Variants in FANCB observed in about 807,000 individuals in gnomAD.
FANCB encodes the protein FA complementation group B.
Under a neutral mutation model 38.9 loss-of-function variants are expected in FANCB, and 5 were observed. The observed-to-expected ratio is 0.13, with a 90% CI of 0.07 to 0.27. The LOEUF (loss-of-function observed/expected upper bound fraction) is 0.27. Among genes scored for constraint, FANCB ranks in the 10% least tolerant of loss-of-function variants. FANCB has a pLI of 1.00. For missense variants in FANCB, 573 were observed against 602.7 expected (o/e 0.95, Z 0.52); for synonymous variants, 236 against 215.4 (o/e 1.10, Z -0.84).
chrX:14,800,175 T>C, the FANCB span, among the ~76,000 whole-genome samples: 2 of 111,680 alleles, frequency 1.8e-5, no homozygotes, highest in Non-Finnish European at 3.8e-5. Context: ...CCACGGATAT[T>C]GATAGAGGTA....
chrX:14,852,623 T>A (rs375053783), intron 6 of FANCB, among the ~76,000 whole-genome samples: 2 of 111,817 alleles, frequency 1.8e-5, no homozygotes, highest in African/African-American at 6.5e-5. Flanking sequence ...AAAAGAACAA[T>A]CATTATCCTA....
chrX:14,730,454 T>C, the FANCB span: 1 of 1,204,625 alleles, frequency 8.3e-7, no homozygotes, highest in Non-Finnish European at 1.1e-6. Context: ...ACATACAAGA[T>C]CATTCGGCAT....
chrX:14,850,439 T>A (rs1268798696), intron 7 of FANCB, 66 bp downstream of exon 7: 8 of 884,380 alleles, frequency 9.0e-6, no homozygotes, highest in Non-Finnish European at 1.3e-5. Context: ...TGGCTTACAT[T>A]AATTTCTATT....
At chrX:14,858,108 T>C (rs747242223) in intron 4 of FANCB, among the ~76,000 whole-genome samples, 154 bp from the exon 5 acceptor site, 6 of 111,955 alleles carry the variant, frequency 5.4e-5, no homozygotes, top group South Asian at 7.3e-4. Flanking sequence ...AGGCAAACTA[T>C]AGGCCAGATG....
chrX:14,724,619 T>C, the FANCB span, among the ~76,000 whole-genome samples: 2 of 38,472 alleles, frequency 5.2e-5, no homozygotes, highest in Non-Finnish European at 8.1e-5. Flanking sequence ...AAAGCAAAAC[T>C]CTGTCTCAAA....
the FANCB span, among the ~76,000 whole-genome samples, chrX:14,728,576 T>A: frequency 8.9e-6 from 1 of 111,842 alleles, no homozygotes; most frequent in African/African-American, 3.3e-5. Context: ...ACTTGCTATC[T>A]CTCCAGCTCA....
the FANCB span, among the ~76,000 whole-genome samples, chrX:14,738,210 G>T: frequency 1.8e-5 from 2 of 112,350 alleles, no homozygotes; most frequent in African/African-American, 6.5e-5. Context: ...ACCAATGTGG[G>T]TTATATAAAT....
the FANCB span, among the ~76,000 whole-genome samples, chrX:14,754,431 A>G: frequency 8.9e-6 from 1 of 112,702 alleles, no homozygotes; most frequent in East Asian, 2.8e-4. Context: ...TTTAAAAGCA[A>G]TAAATGTTAC....
At chrX:14,771,950 C>T in the FANCB span, among the ~76,000 whole-genome samples, 2 of 111,730 alleles carry the variant, frequency 1.8e-5, no homozygotes, top group African/African-American at 6.5e-5. Flanking sequence ...GGCTTCAAAA[C>T]AGCAAAGATG....
chrX:14,848,379 C>A (rs939047932), intron 7 of FANCB, among the ~76,000 whole-genome samples: 1 of 111,210 alleles, frequency 9.0e-6, no homozygotes, highest in Non-Finnish European at 1.9e-5. Flanking sequence ...GAATGGAATG[C>A]GACCCTTGTA....
At chrX:14,794,022 T>C in the FANCB span, among the ~76,000 whole-genome samples, 1 of 111,693 alleles carries the variant, frequency 9.0e-6, no homozygotes, top group East Asian at 2.8e-4. Context: ...TATTTGTTTG[T>C]TTGTCTGGTT....
the FANCB span, among the ~76,000 whole-genome samples, chrX:14,780,624 G>A: frequency 9.9e-5 from 11 of 110,646 alleles, no homozygotes; most frequent in East Asian, 1.9e-3. Flanking sequence ...GAGCAAGATA[G>A]TAATTATTTT....
At chrX:14,714,501 T>C in the FANCB span, among the ~76,000 whole-genome samples, 5 of 111,798 alleles carry the variant, frequency 4.5e-5, no homozygotes, top group Non-Finnish European at 9.4e-5. Flanking sequence ...CTAGGAGTTG[T>C]ATAGCCCAAC....
At chrX:14,702,843 C>T in the FANCB span, among the ~76,000 whole-genome samples, 17 of 111,465 alleles carry the variant, frequency 1.5e-4, no homozygotes, top group African/African-American at 4.6e-4. Context: ...GAAAAGGTGG[C>T]TCCTCACAGC....
At chrX:14,757,436 A>G in the FANCB span, among the ~76,000 whole-genome samples, 2 of 111,837 alleles carry the variant, frequency 1.8e-5, no homozygotes, top group Non-Finnish European at 3.8e-5. Flanking sequence ...AGTTATCTGG[A>G]AAGCCAAGAC....
the FANCB span, chrX:14,690,694 T>C: frequency 8.3e-6 from 9 of 1,087,272 alleles, no homozygotes; most frequent in South Asian, 9.4e-5. Context: ...TGTGTGTGTC[T>C]CTCTCTCTCT....
the FANCB span, among the ~76,000 whole-genome samples, chrX:14,691,099 AT>A: frequency 8.9e-6 from 1 of 112,144 alleles, no homozygotes; most frequent in Admixed American, 9.4e-5. Flanking sequence ...ACAAGAAACA[AT>A]TTTTAGTATA....
chrX:14,760,862 T>G, the FANCB span, among the ~76,000 whole-genome samples: 1 of 110,769 alleles, frequency 9.0e-6, no homozygotes, highest in Non-Finnish European at 1.9e-5. Context: ...TTCCTGCTAC[T>G]CAGGAGGCTG....
chrX:14,705,806 G>C, the FANCB span, among the ~76,000 whole-genome samples: 1 of 111,912 alleles, frequency 8.9e-6, no homozygotes, highest in Non-Finnish European at 1.9e-5. Context: ...ATTTTGTTGG[G>C]TGTATGATTT....
Sources: gnomAD v4.1 joint callset for allele counts (sites outside exome capture counted in the v4.1 genomes callset) on GRCh38, gnomAD v4.1.1 for gene constraint, MANE v1.5 for transcripts, NCBI Gene and HGNC (gene_info 2026-07-23, HGNC 2026-07-21) for gene names.